The following SHISA9 variants were observed in gnomAD, a reference collection of about 807,000 sequenced individuals.
SHISA9 encodes the protein protein shisa-9.
SHISA9 carries 13 observed loss-of-function variants against 38.0 expected under a neutral mutation model. That is an observed-to-expected ratio of 0.34 (90% CI 0.22 to 0.54). The LOEUF (loss-of-function observed/expected upper bound fraction) is 0.54. Ranked by LOEUF, SHISA9 falls within the 20% of genes least tolerant of loss-of-function variation. SHISA9 has a pLI of 0.91. For synonymous variants in SHISA9, 275 were observed against 242.0 expected, an observed-to-expected ratio of 1.14 and a Z score of -1.27; for missense variants, 538 against 575.8, an observed-to-expected ratio of 0.93 and a Z score of 0.67.
intron 2 of SHISA9, among the ~76,000 whole-genome samples, chr16:13,043,172 G>T (rs940988112): frequency 8.5e-5 from 13 of 152,206 alleles, no homozygotes; most frequent in African/African-American, 3.1e-4. Context: ...TGACCTGAGT[G>T]TCAACATCTA....
At chr16:13,463,584 G>T in the SHISA9 span, among the ~76,000 whole-genome samples, 1 of 152,170 alleles carries the variant, frequency 6.6e-6, no homozygotes, top group Admixed American at 6.5e-5. Flanking sequence ...AGGTCTAAAA[G>T]AAGGAAAAAA....
rs374654731 is a variant in SHISA9, at chr16:13,109,907, G to T, written c.692-93487G>T. ...TAGACCACTCCATTCACACATTGGC[G>T]AACATTGGAGCTCTTTTTAATGCTG... On this transcript the variant is annotated intron_variant, in intron 2 of 4. Coordinates refer to ENST00000558583, the MANE Select transcript of SHISA9 (RefSeq NM_001145204.3). Among the ~76,000 whole-genome samples, 50 of 152,244 alleles carry T rather than the reference G, an allele frequency of 3.3e-4. 2 individuals are homozygous for T. Among genetic ancestry groups the T allele is most frequent in the African/African-American group, 1.2e-3 (48 of 41,538 alleles).
intron 1 of SHISA9, among the ~76,000 whole-genome samples, chr16:12,916,170 C>T (rs1411594624): frequency 6.6e-6 from 1 of 152,100 alleles, no homozygotes; most frequent in Non-Finnish European, 1.5e-5. Flanking sequence ...GGTCGATTCA[C>T]CTCTCTGAGC....
intron 2 of SHISA9, among the ~76,000 whole-genome samples, chr16:13,142,260 G>T (rs1480814063): frequency 6.6e-6 from 1 of 152,200 alleles, no homozygotes; most frequent in South Asian, 2.1e-4. Flanking sequence ...GCTGCTTGGT[G>T]TAGGCACGAT....
the SHISA9 span, among the ~76,000 whole-genome samples, chr16:13,299,026 G>A: frequency 6.6e-6 from 1 of 152,180 alleles, no homozygotes; most frequent in Non-Finnish European, 1.5e-5. Flanking sequence ...GAGCTGCAAG[G>A]ATAAGGCAAG....
intron 2 of SHISA9, among the ~76,000 whole-genome samples, chr16:13,182,793 T>C (rs1422926695): frequency 6.6e-6 from 1 of 151,982 alleles, no homozygotes; most frequent in African/African-American, 2.4e-5. Flanking sequence ...CTTTGGAAAC[T>C]TAGTAGCTTA....
intron 2 of SHISA9, among the ~76,000 whole-genome samples, chr16:13,199,667 C>T (rs921327541): frequency 6.6e-6 from 1 of 152,186 alleles, no homozygotes; most frequent in South Asian, 2.1e-4. Flanking sequence ...ATGGCCTTTT[C>T]GTTGTTTGAC....
chr16:13,400,214 TC>T, the SHISA9 span, among the ~76,000 whole-genome samples: 25 of 152,306 alleles, frequency 1.6e-4, no homozygotes, highest in East Asian at 2.5e-3. Flanking sequence ...CTCTTGCCTC[TC>T]CGGTAGAACC....
chr16:13,345,101 C>CT, the SHISA9 span, among the ~76,000 whole-genome samples: 358 of 152,184 alleles, frequency 2.4e-3, 3 homozygotes, highest in African/African-American at 8.3e-3. Flanking sequence ...GTACATTAAA[C>CT]TTCTTTTTTT....
At chr16:12,909,342 GCATTTTTGAAAAA>G in intron 1 of SHISA9, 2 of 985,376 alleles carry the variant, frequency 2.0e-6, no homozygotes, top group Non-Finnish European at 2.4e-6. Context: ...CATTGCCCTT[GCATTTTTGAAAAA>G]TAATTGATGC....
chr16:13,107,472 G>GACACACACACAC (rs34291803), intron 2 of SHISA9, among the ~76,000 whole-genome samples: 51 of 144,438 alleles, frequency 3.5e-4, no homozygotes, highest in Non-Finnish European at 6.4e-4. Context: ...AAAAACAACA[G>GACACACACACAC]ACACACACAC....
chr16:13,220,415 T>G (rs1332000839), intron 4 of SHISA9, among the ~76,000 whole-genome samples: 2 of 152,184 alleles, frequency 1.3e-5, no homozygotes, highest in African/African-American at 4.8e-5. Context: ...CTAACATCTC[T>G]TAGTCACACG....
rs1039855214 is a variant in SHISA9, at chr16:12,921,971, G to A, written c.691+5156G>A. ...ATACTATTGTTTTTGCCATCATAAGGATGGGGAAACTGAGGCTCAGAGTGG... is the reference window on the plus strand; with the variant it reads ...ATACTATTGTTTTTGCCATCATAAGAATGGGGAAACTGAGGCTCAGAGTGG... On this transcript the variant is annotated intron_variant, in intron 2 of 4. Coordinates refer to ENST00000558583, the MANE Select transcript of SHISA9 (RefSeq NM_001145204.3). 2.0e-5 allele frequency among the ~76,000 whole-genome samples: 3 copies of A among 152,168 alleles called. No homozygotes were observed. In the South Asian group the frequency reaches 6.2e-4, roughly 31 times the overall value.
chr16:13,180,397 G>A (rs1284024991), intron 2 of SHISA9, among the ~76,000 whole-genome samples: 1 of 152,178 alleles, frequency 6.6e-6, no homozygotes, highest in Non-Finnish European at 1.5e-5. Context: ...GGTGCTTAGA[G>A]TGAAAAAGAT....
At chr16:13,047,991 A>C (rs1253317107) in intron 2 of SHISA9, among the ~76,000 whole-genome samples, 3 of 152,194 alleles carry the variant, frequency 2.0e-5, no homozygotes, top group African/African-American at 7.2e-5. Context: ...GAAGACTCCA[A>C]GACTCATTGT....
the SHISA9 span, among the ~76,000 whole-genome samples, chr16:13,424,406 C>T: frequency 6.6e-6 from 1 of 152,258 alleles, no homozygotes; most frequent in Non-Finnish European, 1.5e-5. Flanking sequence ...GCTTCTCTGC[C>T]TGTCTCTTCT....
At chr16:13,488,231 A>G in the SHISA9 span, among the ~76,000 whole-genome samples, 1 of 149,184 alleles carries the variant, frequency 6.7e-6, no homozygotes, top group African/African-American at 2.5e-5. Context: ...AAAGGATATC[A>G]AAATTCCTCA....
chr16:13,186,717 T>C (rs1299960214), intron 2 of SHISA9, among the ~76,000 whole-genome samples: 1 of 152,202 alleles, frequency 6.6e-6, no homozygotes, highest in African/African-American at 2.4e-5. Flanking sequence ...TGCTGAATAA[T>C]AAATCCCAAT....
chr16:13,390,263 C>G, the SHISA9 span, among the ~76,000 whole-genome samples: 1 of 152,080 alleles, frequency 6.6e-6, no homozygotes, highest in African/African-American at 2.4e-5. Flanking sequence ...ATTCTTAAGT[C>G]ACGCCAGAAC....
Sources: gnomAD v4.1 joint callset for allele counts (sites outside exome capture counted in the v4.1 genomes callset) on GRCh38, gnomAD v4.1.1 for gene constraint, MANE v1.5 for transcripts, NCBI Gene and HGNC (gene_info 2026-07-23, HGNC 2026-07-21) for gene names.